Variants in CDKAL1 observed in about 807,000 individuals in gnomAD.
CDKAL1 encodes the protein threonylcarbamoyladenosine tRNA methylthiotransferase.
A neutral mutation model predicts 68.2 loss-of-function variants in CDKAL1; 32 were observed. That is an observed-to-expected ratio of 0.47 (90% CI 0.35 to 0.63). CDKAL1 has a LOEUF of 0.63. CDKAL1 is among the 30% of genes least tolerant of loss of function. CDKAL1 has a pLI of 0.00. For synonymous variants in CDKAL1, 234 were observed against 244.3 expected (o/e 0.96, Z 0.39); for missense variants, 606 against 696.7 (o/e 0.87, Z 1.47).
chr6:20,866,204 T>C (rs1390966021), intron 9 of CDKAL1, among the ~76,000 whole-genome samples: 2 of 152,178 alleles, frequency 1.3e-5, no homozygotes, highest in African/African-American at 4.8e-5. Context: ...AGGGTTTCTC[T>C]AGTCTGGCCA....
chr6:20,752,645 G>A (rs1773976255), intron 6 of CDKAL1, among the ~76,000 whole-genome samples: 1 of 152,022 alleles, frequency 6.6e-6, no homozygotes, highest in Non-Finnish European at 1.5e-5. Context: ...TTCTTTTTAT[G>A]TGTACACATT....
At chr6:20,819,709 G>T (rs1452564301) in intron 8 of CDKAL1, among the ~76,000 whole-genome samples, 1 of 152,112 alleles carries the variant, frequency 6.6e-6, no homozygotes, top group Non-Finnish European at 1.5e-5. Flanking sequence ...CGAAATAAAT[G>T]TAAAGTGTGA....
intron 13 of CDKAL1, among the ~76,000 whole-genome samples, chr6:21,160,135 T>C (rs1776840760): frequency 6.6e-6 from 1 of 152,172 alleles, no homozygotes; most frequent in African/African-American, 2.4e-5. Flanking sequence ...ATATTCGTGG[T>C]CCACATTGCA....
chr6:20,996,207 A>C (rs1029001304), intron 10 of CDKAL1, among the ~76,000 whole-genome samples: 1 of 152,218 alleles, frequency 6.6e-6, no homozygotes, highest in Non-Finnish European at 1.5e-5. Flanking sequence ...AGACGACTGA[A>C]ACTTTCTCCA....
chr6:20,658,001 A>G (rs1769107071), intron 5 of CDKAL1, among the ~76,000 whole-genome samples: 1 of 137,662 alleles, frequency 7.3e-6, no homozygotes, highest in African/African-American at 3.2e-5. Context: ...ATGGCCTTTA[A>G]CTTGGGGGGG....
intron 8 of CDKAL1, among the ~76,000 whole-genome samples, chr6:20,789,523 A>C (rs115644699): frequency 0.014 from 2,065 of 152,324 alleles, 38 homozygotes; most frequent in African/African-American, 0.047. Flanking sequence ...CTTTGAAATG[A>C]ATATGTATAT....
chr6:20,544,305 T>G (rs1193263214), intron 2 of CDKAL1, among the ~76,000 whole-genome samples: 4 of 151,866 alleles, frequency 2.6e-5, no homozygotes, highest in African/African-American at 9.7e-5. Context: ...GTCTTAAAAT[T>G]GGGTAGACCA....
intron 5 of CDKAL1, among the ~76,000 whole-genome samples, chr6:20,676,437 G>T (rs1354829285): frequency 6.6e-6 from 1 of 152,074 alleles, no homozygotes; most frequent in African/African-American, 2.4e-5. Context: ...GGAGGCCGAT[G>T]CGTGCGGGTC....
At chr6:20,819,806 C>T (rs2150439000) in intron 8 of CDKAL1, among the ~76,000 whole-genome samples, 2 of 152,084 alleles carry the variant, frequency 1.3e-5, no homozygotes, top group East Asian at 3.9e-4. Flanking sequence ...GCAGTAAATA[C>T]AGTGTCAAAA....
At chr6:21,216,905 T>C (rs766634810) in intron 15 of CDKAL1, among the ~76,000 whole-genome samples, 23 of 152,310 alleles carry the variant, frequency 1.5e-4, no homozygotes, top group Middle Eastern at 3.4e-3. Context: ...GTGGCATTGC[T>C]GGGTTGGCCA....
intron 8 of CDKAL1, among the ~76,000 whole-genome samples, chr6:20,820,671 T>A (rs1244608993): frequency 6.6e-6 from 1 of 152,166 alleles, no homozygotes. Flanking sequence ...CTGGTTCGGC[T>A]ACTCTTTTGC....
intron 13 of CDKAL1, among the ~76,000 whole-genome samples, chr6:21,137,253 T>C (rs889473695): frequency 6.6e-6 from 1 of 152,240 alleles, no homozygotes; most frequent in Non-Finnish European, 1.5e-5. Context: ...ATGCTGCCAA[T>C]TATTTAATTT....
intron 5 of CDKAL1, among the ~76,000 whole-genome samples, chr6:20,704,881 G>C (rs1319271987): frequency 2.0e-5 from 3 of 152,134 alleles, no homozygotes; most frequent in Non-Finnish European, 4.4e-5. Context: ...TTATAGGGTG[G>C]TCATCTGGTT....
intron 5 of CDKAL1, among the ~76,000 whole-genome samples, chr6:20,672,206 CCTTT>C (rs1374142685): frequency 5.4e-5 from 8 of 148,712 alleles, no homozygotes; most frequent in Admixed American, 1.3e-4. Flanking sequence ...TTCTTTCCTT[CCTTT>C]CTTTCTTCCT....
At chr6:20,827,830 A>G (rs1050379049) in intron 8 of CDKAL1, among the ~76,000 whole-genome samples, 1 of 152,074 alleles carries the variant, frequency 6.6e-6, no homozygotes, top group African/African-American at 2.4e-5. Context: ...CTGTCGATAT[A>G]CTTCTATGTT....
Position 21,231,379 on chromosome 6 carries a change from A to G in CDKAL1, c.*340A>G. On this transcript the variant is annotated 3_prime_UTR_variant, in exon 16 of 16. Coordinates refer to ENST00000274695, the MANE Select transcript of CDKAL1 (RefSeq NM_017774.3). ...ACCTAATTGTACAGTGGCTCTGGCCATCTTTTCCTCATGTGGAAGAATTTT... is the reference window on the plus strand; with the variant it reads ...ACCTAATTGTACAGTGGCTCTGGCCGTCTTTTCCTCATGTGGAAGAATTTT... 1 of 186,320 alleles carries G rather than the reference A, an allele frequency of 5.4e-6. No homozygotes were observed. The highest frequency in any genetic ancestry group is 1.1e-5 in the Non-Finnish European group (1 of 91,478). The allele number at this position is 186,320 out of a possible 1,614,324, so 11.5% of individuals were successfully genotyped here.
At chr6:21,182,251 A>G (rs993054336) in intron 13 of CDKAL1, among the ~76,000 whole-genome samples, 2 of 152,236 alleles carry the variant, frequency 1.3e-5, no homozygotes, top group Non-Finnish European at 2.9e-5. Context: ...GAAAAATGCC[A>G]TTGATTTATT....
intron 5 of CDKAL1, among the ~76,000 whole-genome samples, chr6:20,655,437 A>G (rs13208604): frequency 0.012 from 1,841 of 152,212 alleles, 20 homozygotes; most frequent in Non-Finnish European, 0.019. Flanking sequence ...GGGGTCTCCA[A>G]CCCCTGGGCT....
At chr6:20,984,343 G>A (rs1476831715) in intron 10 of CDKAL1, among the ~76,000 whole-genome samples, 3 of 152,128 alleles carry the variant, frequency 2.0e-5, no homozygotes, top group Non-Finnish European at 4.4e-5. Context: ...AGCGGGTGCA[G>A]GAGCTGGGGC....
Sources: allele counts gnomAD v4.1 joint callset (sites outside exome capture counted in the v4.1 genomes callset), GRCh38; gene constraint gnomAD v4.1.1; transcripts MANE v1.5; gene names NCBI Gene and HGNC (gene_info 2026-07-23, HGNC 2026-07-21).